PRKN: variants seen among roughly 807,000 people sequenced by gnomAD.
PRKN encodes the protein E3 ubiquitin-protein ligase parkin.
A neutral mutation model predicts 59.5 loss-of-function variants in PRKN; 56 were observed. The ratio of observed to expected loss-of-function variants is 0.94; its 90% CI spans 0.76 to 1.18. The LOEUF is 1.18. PRKN is among the 50% of genes most tolerant of loss of function. The pLI is 0.00. For synonymous variants in PRKN, 250 were observed against 222.1 expected (o/e 1.13, Z -1.12); for missense variants, 657 against 596.4 (o/e 1.10, Z -1.06).
At chr6:162,591,938 TAGC>T (rs974323697) in intron 1 of PRKN, among the ~76,000 whole-genome samples, 1 of 150,528 alleles carries the variant, frequency 6.6e-6, no homozygotes, top group African/African-American at 2.4e-5. Flanking sequence ...ATTCCAATAA[TAGC>T]AGTTAGTATA....
intron 1 of PRKN, among the ~76,000 whole-genome samples, chr6:162,510,239 G>A (rs910321653): frequency 2.2e-4 from 34 of 152,192 alleles, no homozygotes; most frequent in African/African-American, 8.2e-4. Context: ...GTTAGATAAA[G>A]TTGAGTATTT....
chr6:161,887,350 G>C (rs1795191550), intron 6 of PRKN, among the ~76,000 whole-genome samples: 1 of 152,184 alleles, frequency 6.6e-6, no homozygotes, highest in African/African-American at 2.4e-5. Flanking sequence ...AGTGCTACAA[G>C]TGTTACTGAT....
chr6:161,866,979 C>T (rs1794136386), intron 6 of PRKN, among the ~76,000 whole-genome samples: 1 of 152,120 alleles, frequency 6.6e-6, no homozygotes, highest in Admixed American at 6.5e-5. Context: ...TCACTGCTGG[C>T]CTGAGTTCTC....
Position 161,410,918 on chromosome 6 carries a change from G to A in PRKN, c.1084-24041C>T, listed in dbSNP as rs1048587357. Among the ~76,000 whole-genome samples, 20 of 152,146 alleles carry A rather than the reference G, an allele frequency of 1.3e-4. No homozygotes were observed. Among genetic ancestry groups the A allele is most frequent in the Non-Finnish European group, 1.9e-4 (13 of 68,036 alleles). On this transcript the variant is annotated intron_variant, in intron 9 of 11. Coordinates refer to ENST00000366898, the MANE Select transcript of PRKN (RefSeq NM_004562.3). This position sits in a 1 kb window ranked among gnomAD's most constrained non-coding sequence, Gnocchi z 5.3. ...AAGGGCCACTCGATGGTTTGATCAT[G>A]TTTACAAAATCTGGCTAAACAGGAA...
chr6:162,190,363 C>T (rs1291701455), intron 4 of PRKN, among the ~76,000 whole-genome samples: 1 of 152,168 alleles, frequency 6.6e-6, no homozygotes, highest in African/African-American at 2.4e-5. Context: ...CTTTAGAAAA[C>T]AGAGTCCAGT....
chr6:162,081,452 C>T (rs9346899), intron 4 of PRKN, among the ~76,000 whole-genome samples: 119,804 of 151,996 alleles, frequency 0.79, 47,328 homozygotes, highest in East Asian at 0.87. Context: ...TACATTTCCA[C>T]CAGAGTTCCT....
chr6:161,596,231 A>C (rs528547227), intron 7 of PRKN, among the ~76,000 whole-genome samples: 185 of 152,176 alleles, frequency 1.2e-3, no homozygotes, highest in African/African-American at 4.3e-3. Flanking sequence ...CTAGAGAATG[A>C]TGACCAAGGT....
intron 1 of PRKN, among the ~76,000 whole-genome samples, chr6:162,625,490 A>G (rs558684165): frequency 6.6e-6 from 1 of 152,308 alleles, no homozygotes; most frequent in South Asian, 2.1e-4. Context: ...TCAGGAACCT[A>G]AGATGAGAAG....
intron 8 of PRKN, among the ~76,000 whole-genome samples, chr6:161,563,345 A>G (rs6900355): frequency 0.46 from 70,598 of 152,006 alleles, 16,993 homozygotes; most frequent in Middle Eastern, 0.56. Context: ...ATAAAATTTC[A>G]GTGATTAAAC....
At chr6:161,506,712 C>T (rs1562492526) in intron 9 of PRKN, among the ~76,000 whole-genome samples, 1 of 152,204 alleles carries the variant, frequency 6.6e-6, no homozygotes, top group Non-Finnish European at 1.5e-5. Context: ...GAGAGGCACA[C>T]AGCCAGTGCT....
chr6:161,853,629 A>C (rs1793524116), intron 6 of PRKN, among the ~76,000 whole-genome samples: 1 of 152,226 alleles, frequency 6.6e-6, no homozygotes, highest in African/African-American at 2.4e-5. Context: ...AGGTAAAATT[A>C]CTTCGACTTT....
intron 1 of PRKN, among the ~76,000 whole-genome samples, chr6:162,706,051 A>G (rs1368279890): frequency 6.6e-6 from 1 of 151,936 alleles, no homozygotes; most frequent in Non-Finnish European, 1.5e-5. Flanking sequence ...TGGTTTTAAA[A>G]TGCAACTTTT....
At chr6:161,971,268 C>T (rs79499148) in intron 6 of PRKN, among the ~76,000 whole-genome samples, 1,873 of 152,270 alleles carry the variant, frequency 0.012, 36 homozygotes, top group African/African-American at 0.043. Context: ...GACAGCATAA[C>T]AGCAGGAAAC....
intron 2 of PRKN, among the ~76,000 whole-genome samples, chr6:162,342,442 A>T (rs1164450503): frequency 6.6e-6 from 1 of 152,218 alleles, no homozygotes; most frequent in Non-Finnish European, 1.5e-5. Flanking sequence ...ATATTATCTC[A>T]TATCACCTTC....
intron 6 of PRKN, among the ~76,000 whole-genome samples, chr6:161,942,615 G>C (rs1192478254): frequency 6.6e-6 from 1 of 152,156 alleles, no homozygotes; most frequent in Non-Finnish European, 1.5e-5. Flanking sequence ...TTCAAATACA[G>C]TGCATGACAT....
At chr6:162,221,227 C>T (rs569915401) in intron 3 of PRKN, among the ~76,000 whole-genome samples, 1 of 152,280 alleles carries the variant, frequency 6.6e-6, no homozygotes, top group African/African-American at 2.4e-5. Flanking sequence ...CCTTGTTCGC[C>T]TCAGTCCTAG....
At chr6:162,298,383 T>C (rs1044308412) in intron 2 of PRKN, among the ~76,000 whole-genome samples, 10 of 152,120 alleles carry the variant, frequency 6.6e-5, no homozygotes, top group African/African-American at 2.4e-4. Context: ...AGTAACAGCT[T>C]CGCACCATGA....
intron 1 of PRKN, among the ~76,000 whole-genome samples, chr6:162,445,459 C>T (rs1020896017): frequency 3.3e-5 from 5 of 151,918 alleles, no homozygotes; most frequent in African/African-American, 4.8e-5. Context: ...GGCCAAGGGG[C>T]AAGGATGACT....
intron 5 of PRKN, among the ~76,000 whole-genome samples, chr6:162,010,325 T>C (rs1170647394): frequency 1.7e-5 from 2 of 120,762 alleles, no homozygotes; most frequent in Non-Finnish European, 3.2e-5. Context: ...TATATATTTA[T>C]AATATATAAT....
Sources: gnomAD v4.1 joint callset for allele counts (sites outside exome capture counted in the v4.1 genomes callset) on GRCh38, gnomAD v4.1.1 for gene constraint, Gnocchi (gnomAD v3.1) non-coding constraint, MANE v1.5 for transcripts, NCBI Gene and HGNC (gene_info 2026-07-23, HGNC 2026-07-21) for gene names.